SORCS1: variants seen among roughly 807,000 people sequenced by gnomAD.
SORCS1 encodes VPS10 domain-containing receptor SorCS1.
Under a neutral mutation model 146.1 loss-of-function variants are expected in SORCS1, and 60 were observed. The observed-to-expected ratio is 0.41, with a 90% CI of 0.33 to 0.51. The LOEUF (loss-of-function observed/expected upper bound fraction) is 0.51, where lower values mean the gene tolerates loss of function less well. Ranked by LOEUF, SORCS1 falls within the 20% of genes least tolerant of loss-of-function variation. The probability of loss-of-function intolerance (pLI) is 0.21; values close to 1 mark genes in which losing one functional copy is unlikely to be tolerated. For missense variants in SORCS1, 1,352 were observed against 1,487.6 expected, an observed-to-expected ratio of 0.91 and a Z score of 1.50; for synonymous variants, 637 against 584.0, an observed-to-expected ratio of 1.09 and a Z score of -1.31.
chr10:106,997,613 A>T (rs907461554), intron 1 of SORCS1, among the ~76,000 whole-genome samples: 4 of 152,210 alleles, frequency 2.6e-5, no homozygotes, highest in Admixed American at 6.5e-5. Context: ...TCCTTTACTT[A>T]GGAAACCTTT....
intron 3 of SORCS1, among the ~76,000 whole-genome samples, chr10:106,809,001 C>T (rs561351301): frequency 4.2e-4 from 64 of 152,244 alleles, no homozygotes; most frequent in African/African-American, 1.5e-3. Context: ...CTGCAGGAAT[C>T]TGGAAGCAGT....
At chr10:106,982,063 T>A (rs1214150620) in intron 1 of SORCS1, among the ~76,000 whole-genome samples, 1 of 152,220 alleles carries the variant, frequency 6.6e-6, no homozygotes, top group Non-Finnish European at 1.5e-5. Context: ...GGCACAGTAA[T>A]TATTTCTGTT....
At chr10:106,955,057 G>A (rs569759909) in intron 2 of SORCS1, among the ~76,000 whole-genome samples, 5 of 152,352 alleles carry the variant, frequency 3.3e-5, no homozygotes, top group African/African-American at 9.6e-5. Flanking sequence ...ATGGGCTAGA[G>A]CAGAGCAGTG....
intron 9 of SORCS1, among the ~76,000 whole-genome samples, chr10:106,697,379 C>T (rs1038987965): frequency 7.2e-5 from 11 of 151,804 alleles, no homozygotes; most frequent in Non-Finnish European, 5.9e-5. Context: ...TAGCTTCAAC[C>T]CAGGAGGCGG....
chr10:106,899,781 C>G (rs1047326959), intron 2 of SORCS1, among the ~76,000 whole-genome samples: 3 of 152,014 alleles, frequency 2.0e-5, no homozygotes, highest in Admixed American at 2.0e-4. Flanking sequence ...TTCATAAGTT[C>G]CTGGCACCAG....
chr10:106,579,097 G>A, intron 25 of SORCS1: 1 of 1,613,888 alleles, frequency 6.2e-7, no homozygotes, highest in East Asian at 2.2e-5. Context: ...TTACCTATGA[G>A]CTGGGATTCC....
chr10:106,812,638 G>A (rs1947527023), intron 3 of SORCS1, among the ~76,000 whole-genome samples: 5 of 152,122 alleles, frequency 3.3e-5, no homozygotes, highest in Admixed American at 3.3e-4. Context: ...AAAAAGTGGG[G>A]GGAGAGTTAT....
intron 3 of SORCS1, among the ~76,000 whole-genome samples, chr10:106,799,830 T>C (rs1242196601): frequency 6.6e-6 from 1 of 152,224 alleles, no homozygotes; most frequent in Non-Finnish European, 1.5e-5. Flanking sequence ...TGGCGATTCC[T>C]CAAGGATCTA....
intron 1 of SORCS1, among the ~76,000 whole-genome samples, chr10:106,959,268 G>A (rs1343435727): frequency 4.6e-5 from 7 of 152,204 alleles, no homozygotes; most frequent in Admixed American, 1.3e-4. Context: ...ACCAGAAGTA[G>A]AGTCCTTTAT....
At chr10:106,679,393 A>G in intron 11 of SORCS1, 61 bp from the exon 12 acceptor site, 1 of 1,359,172 alleles carries the variant, frequency 7.4e-7, no homozygotes. Context: ...AATGGACTAT[A>G]TTGGCAGGTG....
chr10:107,144,033 C>G lies in SORCS1; in HGVS notation c.558+19936G>C, dbSNP rs551618973. Among the ~76,000 whole-genome samples, 146 of 152,244 alleles carry G rather than the reference C, an allele frequency of 9.6e-4. 2 individuals carry two copies. Among genetic ancestry groups the G allele is most frequent in the Middle Eastern group, 3.4e-3 (1 of 294 alleles). On this transcript the variant is annotated intron_variant, in intron 1 of 25. Transcript: ENST00000263054. ...CATCTTCCGCTCTGTATTCTCCCTT[C>G]CTTTCATGGGCTGTTCCCTTTTGTG...
At chr10:106,758,992 T>C (rs1444777834) in intron 5 of SORCS1, among the ~76,000 whole-genome samples, 1 of 152,238 alleles carries the variant, frequency 6.6e-6, no homozygotes, top group African/African-American at 2.4e-5. Flanking sequence ...CTGAGCCAGT[T>C]TGTTTGCAAA....
At position 106,671,206 on chromosome 10, in the gene SORCS1, A is replaced by G. The variant is rs1415444055; in HGVS notation, c.2189+31T>C. On this transcript the variant is annotated intron_variant, in intron 16 of 25. Coordinates refer to ENST00000263054, the MANE Select transcript of SORCS1 (RefSeq NM_052918.5). ...GGCCCATGTGGATTTGATACACCAA[A>G]TGGCTCCAGGAGATAATTGCACAAG... 18 of 1,613,370 alleles carry G rather than the reference A, an allele frequency of 1.1e-5. No homozygotes were observed. In the Admixed American group the frequency reaches 2.8e-4, roughly 25 times the overall value.
chr10:106,597,478 C>CTTTTGGTGTCACTAA, intron 23 of SORCS1, 28 bp from the exon 24 acceptor site: 1 of 1,542,024 alleles, frequency 6.5e-7, no homozygotes, highest in Non-Finnish European at 9.0e-7. Flanking sequence ...GTTAGTGACA[C>CTTTTGGTGTCACTAA]CAAAAGTGTC....
At chr10:107,128,615 A>T (rs1321489953) in intron 1 of SORCS1, among the ~76,000 whole-genome samples, 1 of 152,136 alleles carries the variant, frequency 6.6e-6, no homozygotes, top group East Asian at 1.9e-4. Context: ...ACACTCAAAC[A>T]CACACCTGAA....
chr10:106,858,523 G>A (rs1273974545), intron 2 of SORCS1, among the ~76,000 whole-genome samples: 1 of 149,554 alleles, frequency 6.7e-6, no homozygotes, highest in Non-Finnish European at 1.5e-5. Context: ...TAGGAGAATG[G>A]TGTGAACCCA....
chr10:106,807,194 GAGGA>G (rs113386690), intron 3 of SORCS1, among the ~76,000 whole-genome samples: 63 of 152,076 alleles, frequency 4.1e-4, no homozygotes, highest in African/African-American at 1.3e-3. Context: ...AGGAAGGAAG[GAGGA>G]AGGAAGGAAG....
chr10:106,930,909 C>T (rs987999178), intron 2 of SORCS1, among the ~76,000 whole-genome samples: 1 of 152,114 alleles, frequency 6.6e-6, no homozygotes, highest in Non-Finnish European at 1.5e-5. Context: ...GTAATTTCAG[C>T]AGATCTCAGG....
At chr10:106,654,969 G>A (rs143777408) in intron 17 of SORCS1, among the ~76,000 whole-genome samples, 7 of 151,952 alleles carry the variant, frequency 4.6e-5, no homozygotes, top group East Asian at 1.9e-4. Flanking sequence ...CGATTCTCTC[G>A]CCTCAGCCAT....
Sources: allele counts gnomAD v4.1 joint callset (sites outside exome capture counted in the v4.1 genomes callset), GRCh38; gene constraint gnomAD v4.1.1; transcripts MANE v1.5; gene names NCBI Gene and HGNC (gene_info 2026-07-23, HGNC 2026-07-21).